SLC12A3: variants seen among roughly 807,000 people sequenced by gnomAD.
The protein encoded by SLC12A3 is Na-Cl cotransporter.
SLC12A3 carries 104 observed loss-of-function variants against 121.0 expected under a neutral mutation model. The observed-to-expected ratio is 0.86, with a 90% CI of 0.73 to 1.01. The LOEUF is 1.01. Among genes scored for constraint, SLC12A3 ranks in the 50% least tolerant of loss-of-function variants. The pLI is 0.00. For synonymous variants in SLC12A3, 536 were observed against 533.4 expected (o/e 1.00, Z -0.07); for missense variants, 1,328 against 1,356.3 (o/e 0.98, Z 0.33).
chr16:56,902,531 G>GGGGGGGGGGGGTGCC, intron 24 of SLC12A3, 23 bp downstream of exon 24: 2 of 714,558 alleles, frequency 2.8e-6, no homozygotes, highest in East Asian at 4.1e-5. Context: ...GTGGGGGTGG[G>GGGGGGGGGGGGTGCC]AAACGCGACA....
intron 22 of SLC12A3, among the ~76,000 whole-genome samples, chr16:56,895,401 C>T (rs1189772588): frequency 1.3e-5 from 2 of 150,752 alleles, no homozygotes; most frequent in Non-Finnish European, 3.0e-5. Flanking sequence ...GCCATGTTGG[C>T]TAGGCTGGTC....
intron 10 of SLC12A3, 37 bp from the exon 11 acceptor site, chr16:56,879,505 C>A: frequency 6.5e-7 from 1 of 1,530,036 alleles, no homozygotes; most frequent in South Asian, 1.1e-5. Flanking sequence ...CTGGCTCAGC[C>A]CCCACCGTGG....
chr16:56,871,502 C>T (rs2055097087), intron 6 of SLC12A3, among the ~76,000 whole-genome samples: 1 of 152,208 alleles, frequency 6.6e-6, no homozygotes, highest in Admixed American at 6.5e-5. Flanking sequence ...CCCCTGCAGC[C>T]TGTCCTCTCC....
chr16:56,904,677 G>A (rs957443362), intron 25 of SLC12A3: 7 of 555,940 alleles, frequency 1.3e-5, no homozygotes, highest in African/African-American at 1.1e-4. Flanking sequence ...GGGGTCGAGG[G>A]CCTCACGTGT....
At position 56,878,137 on chromosome 16, in the gene SLC12A3, T is replaced by C; in HGVS notation, c.1156T>C (p.Tyr386His). The C allele has an allele frequency of 6.3e-7, 1 of 1,579,664 alleles. No homozygotes were observed. The highest frequency in any genetic ancestry group is 2.3e-5 in the East Asian group (1 of 42,690). The change falls in exon 9 of 26, where the codon TAC becomes CAC. Residue 386 changes from tyrosine to histidine, a missense_variant. By Grantham distance (83) the Tyr-to-His change is moderately conservative. Transcript: ENST00000563236. The part of the protein sequence containing the change: ...LMAIFWTTIS[Y>H]LAISATIGSC... ...GGCCATTTTCTGGACGACCATTTCC[T>C]ACCTGGCCATCTCAGCCACCATTGG...
At chr16:56,873,266 C>T (rs1356144127) in intron 8 of SLC12A3, among the ~76,000 whole-genome samples, 1 of 152,100 alleles carries the variant, frequency 6.6e-6, no homozygotes, top group African/African-American at 2.4e-5. Flanking sequence ...CTGCTTTGCC[C>T]GTGTTACCTC....
chr16:56,871,080 C>T (rs2055090213), intron 6 of SLC12A3, among the ~76,000 whole-genome samples: 1 of 152,142 alleles, frequency 6.6e-6, no homozygotes, highest in Non-Finnish European at 1.5e-5. Flanking sequence ...AGTGATCTGC[C>T]CGCCTTGGCC....
At position 56,886,314 on chromosome 16, in the gene SLC12A3, C is replaced by T. The variant is rs760797930; in HGVS notation, c.1926-50C>T. On this transcript the variant is annotated intron_variant, in intron 15 of 25. Coordinates refer to ENST00000563236, the MANE Select transcript of SLC12A3 (RefSeq NM_001126108.2). ...GGGAGGTGCCTTTCGCACCCAGACC[C>T]CCGTGGGCTCTCTCCTGATGGCTCC... 4 of 1,395,390 alleles carry T rather than the reference C, an allele frequency of 2.9e-6. No homozygotes were observed. In the African/African-American group the frequency reaches 5.6e-5, roughly 20 times the overall value. 86.4% of individuals were successfully genotyped at this position (1,395,390 alleles called of 1,614,324 possible). A position where few individuals can be genotyped will look rare whatever the true frequency, so the allele number is the denominator to read the frequency against.
chr16:56,911,779 G>A (rs1311299428), intron 25 of SLC12A3, among the ~76,000 whole-genome samples: 1 of 152,210 alleles, frequency 6.6e-6, no homozygotes, highest in Non-Finnish European at 1.5e-5. Context: ...AAGATGTCAA[G>A]ACCTCGGTTC....
Position 56,892,982 on chromosome 16 carries a change from C to T in SLC12A3, c.2449C>T (p.Gln817Ter), listed in dbSNP as rs763957669. 1.2e-6 allele frequency: 2 copies of T among 1,614,184 alleles called. No individual in the cohort carries two copies. Among genetic ancestry groups the T allele is most frequent in the Admixed American group, 1.7e-5 (1 of 60,028 alleles). Residue 817 changes from glutamine to a stop codon, truncating the protein, a stop_gained, in exon 21 of 26, where the codon CAG (glutamine) becomes TAG (stop). Coordinates refer to ENST00000563236, the MANE Select transcript of SLC12A3 (RefSeq NM_001126108.2). LOFTEE classifies it high-confidence loss of function. ...VDPKALVKEE[Q>*]ATTIFQSEQG... ...CCCCAAGGCCCTGGTGAAGGAGGAG[C>T]AGGCCACCACCATCTTCCAGTCGGA...
chr16:56,890,301 G>C lies in SLC12A3; in HGVS notation c.2313G>C (p.Val771=), dbSNP rs369433014. 1.2e-6 allele frequency: 2 copies of C among 1,614,202 alleles called. No individual in the cohort carries two copies. The highest frequency in any genetic ancestry group is 2.2e-5 in the East Asian group (1 of 44,892). Residue 771 remains valine (V), a synonymous_variant, in exon 19 of 26, where the codon GTG becomes GTC. Coordinates refer to ENST00000563236, the MANE Select transcript of SLC12A3 (RefSeq NM_001126108.2). ...LHDAFDFNYG[V]CVMRMREGLN... ...ATGCCTTTGATTTCAACTATGGCGT[G>C]TGTGTCATGAGGATGCGGGAGGGAC...
intron 3 of SLC12A3, 64 bp downstream of exon 3, chr16:56,868,436 T>A: frequency 8.2e-6 from 12 of 1,464,572 alleles, no homozygotes; most frequent in Non-Finnish European, 1.0e-5. Flanking sequence ...CCAGCTTGCC[T>A]GAATCCTGTT....
intron 20 of SLC12A3, among the ~76,000 whole-genome samples, chr16:56,892,334 C>G (rs142990836): frequency 1.3e-5 from 2 of 152,068 alleles, no homozygotes; most frequent in Non-Finnish European, 2.9e-5. Context: ...AGCAGCCAGG[C>G]GCAGTGGCTC....
chr16:56,890,175 G>A (rs1233631672), intron 18 of SLC12A3, 99 bp from the exon 19 acceptor site: 1 of 874,338 alleles, frequency 1.1e-6, no homozygotes, highest in Non-Finnish European at 2.0e-6. Context: ...GGCGTGGTAG[G>A]AAGCAGAGCC....
chr16:56,884,621 G>C (rs1199265859), intron 14 of SLC12A3, among the ~76,000 whole-genome samples: 2 of 152,238 alleles, frequency 1.3e-5, no homozygotes, highest in East Asian at 3.8e-4. Flanking sequence ...CTTGGCTGCA[G>C]GCAGGGACCC....
chr16:56,877,117 C>T (rs933199634), intron 8 of SLC12A3, among the ~76,000 whole-genome samples: 2 of 152,286 alleles, frequency 1.3e-5, no homozygotes, highest in African/African-American at 2.4e-5. Flanking sequence ...AGCGGCCGGG[C>T]GCGGGGGCTC....
Position 56,867,202 on chromosome 16 carries a change from G to C in SLC12A3, c.415G>C (p.Val139Leu). The change falls in exon 2 of 26, where the codon GTC becomes CTC. Residue 139 changes from valine to leucine, a missense_variant. Transcript: ENST00000563236. The stretch of plus-strand genomic sequence containing the variant: ...CGAGGAGCCAGTGCGCTTCGGCTGG[G>C]TCAAGGGGGTGATGGTGAGTGGGGT... ...NPEEPVRFGW[V>L]KGVMIRCMLN... The C allele has an allele frequency of 1.9e-6, 3 of 1,611,060 alleles. No homozygotes were observed. The South Asian group carries it at 3.3e-5, about 18-fold the overall frequency.
chr16:56,871,554 G>T (rs1399896812), intron 6 of SLC12A3, among the ~76,000 whole-genome samples: 2 of 152,074 alleles, frequency 1.3e-5, no homozygotes, highest in Non-Finnish European at 2.9e-5. Flanking sequence ...TGTCCTCCTT[G>T]CTCTTCCTTG....
At position 56,870,236 on chromosome 16, in the gene SLC12A3, G is replaced by A. The variant is rs1187506921; in HGVS notation, c.741+1G>A. ...AGAGACCGTGCGGGACCTGCTCCAG[G>A]TGAGGCCGGGGGGCTGGACCCTGGG... On this transcript the variant is annotated splice_donor_variant, in intron 5 of 25. Coordinates refer to ENST00000563236, the MANE Select transcript of SLC12A3 (RefSeq NM_001126108.2). LOFTEE classifies it high-confidence loss of function. 1.9e-6 allele frequency: 3 copies of A among 1,612,698 alleles called. No individual in the cohort carries two copies. The highest frequency in any genetic ancestry group is 2.5e-6 in the Non-Finnish European group (3 of 1,179,948).
Sources: gnomAD v4.1 joint callset for allele counts (sites outside exome capture counted in the v4.1 genomes callset) on GRCh38, gnomAD v4.1.1 for gene constraint, MANE v1.5 for transcripts, NCBI Gene and HGNC (gene_info 2026-07-23, HGNC 2026-07-21) for gene names.